CD38: variants seen among roughly 807,000 people sequenced by gnomAD.
CD38 encodes the protein CD38 molecule.
Under a neutral mutation model 36.3 loss-of-function variants are expected in CD38, and 31 were observed. The observed-to-expected ratio is 0.85, with a 90% CI of 0.64 to 1.15. The LOEUF is 1.15. Among genes scored for constraint, CD38 ranks in the 50% most tolerant of loss-of-function variants. The pLI is 0.00. For synonymous variants in CD38, 131 were observed against 135.2 expected (o/e 0.97, Z 0.22); for missense variants, 380 against 371.9 (o/e 1.02, Z -0.18).
chr4:15,834,175 T>A (rs761848021), intron 3 of CD38, 42 bp from the exon 4 acceptor site: 2 of 1,282,760 alleles, frequency 1.6e-6, no homozygotes, highest in Non-Finnish European at 1.1e-6. Flanking sequence ...TTATTTATAC[T>A]CTCTGTTTTC....
At chr4:15,822,221 C>T (rs1375888292) in intron 2 of CD38, among the ~76,000 whole-genome samples, 1 of 152,088 alleles carries the variant, frequency 6.6e-6, no homozygotes, top group Non-Finnish European at 1.5e-5. Context: ...TTATGACAAA[C>T]CCACAAGCAA....
chr4:15,804,395 C>T (rs1418044048), intron 1 of CD38, among the ~76,000 whole-genome samples: 1 of 152,086 alleles, frequency 6.6e-6, no homozygotes, highest in Non-Finnish European at 1.5e-5. Flanking sequence ...AATAGAACTA[C>T]CATATGATCC....
intron 1 of CD38, among the ~76,000 whole-genome samples, chr4:15,807,659 C>T (rs552250226): frequency 6.6e-6 from 1 of 152,304 alleles, no homozygotes; most frequent in East Asian, 1.9e-4. Context: ...GATCACTTTA[C>T]TCAATTTGAG....
chr4:15,837,846 C>T (rs75610790), intron 4 of CD38, among the ~76,000 whole-genome samples: 1,974 of 152,310 alleles, frequency 0.013, 41 homozygotes, highest in African/African-American at 0.045. Context: ...GAACCACCAG[C>T]TCTATGAACT....
At chr4:15,799,000 G>C (rs550464323) in intron 1 of CD38, among the ~76,000 whole-genome samples, 1 of 151,958 alleles carries the variant, frequency 6.6e-6, no homozygotes, top group African/African-American at 2.4e-5. Flanking sequence ...TATTTATCAC[G>C]TCCCTTATTT....
chr4:15,779,480 G>A (rs1392692023), intron 1 of CD38, among the ~76,000 whole-genome samples: 1 of 152,168 alleles, frequency 6.6e-6, no homozygotes, highest in African/African-American at 2.4e-5. Context: ...ATCGTTGCTT[G>A]TAAAACAGAA....
At chr4:15,819,627 C>T (rs1264788553) in intron 2 of CD38, among the ~76,000 whole-genome samples, 2 of 151,898 alleles carry the variant, frequency 1.3e-5, no homozygotes, top group Non-Finnish European at 2.9e-5. Flanking sequence ...ACCAAATAGA[C>T]CAAACAGAAG....
intron 1 of CD38, among the ~76,000 whole-genome samples, chr4:15,799,148 C>A (rs939361786): frequency 6.6e-6 from 1 of 152,182 alleles, no homozygotes; most frequent in African/African-American, 2.4e-5. Context: ...TTTTGCTTTT[C>A]ATAGTTAGAT....
intron 1 of CD38, among the ~76,000 whole-genome samples, chr4:15,814,149 C>T (rs185203437): frequency 2.6e-5 from 4 of 152,288 alleles, no homozygotes; most frequent in African/African-American, 7.2e-5. Context: ...TTCTAACTGG[C>T]GTGAGATGGT....
chr4:15,840,194 A>G, intron 6 of CD38, 76 bp downstream of exon 6: 2 of 1,034,218 alleles, frequency 1.9e-6, no homozygotes, highest in Non-Finnish European at 3.1e-6. Context: ...ACAAGCACGC[A>G]CTGGGAACAA....
At chr4:15,819,642 G>A (rs796905526) in intron 2 of CD38, among the ~76,000 whole-genome samples, 8 of 152,158 alleles carry the variant, frequency 5.3e-5, no homozygotes, top group African/African-American at 1.4e-4. Context: ...CAGAAGAAAG[G>A]ATATCAGAGC....
intron 1 of CD38, among the ~76,000 whole-genome samples, chr4:15,789,524 A>G (rs1471236057): frequency 6.6e-6 from 1 of 152,198 alleles, no homozygotes; most frequent in Non-Finnish European, 1.5e-5. Context: ...AACCTAAAGT[A>G]AAGAAGATGC....
At chr4:15,780,247 T>A (rs1722661507) in intron 1 of CD38, among the ~76,000 whole-genome samples, 1 of 152,188 alleles carries the variant, frequency 6.6e-6, no homozygotes, top group African/African-American at 2.4e-5. Context: ...AAAATAGTTG[T>A]GCCATTTTAC....
chr4:15,828,323 C>T (rs1723891965), intron 3 of CD38, among the ~76,000 whole-genome samples: 1 of 152,116 alleles, frequency 6.6e-6, no homozygotes, highest in Non-Finnish European at 1.5e-5. Flanking sequence ...ACCTCAAATA[C>T]TTATTTTTTG....
At chr4:15,801,056 C>T (rs1723212804) in intron 1 of CD38, among the ~76,000 whole-genome samples, 2 of 151,498 alleles carry the variant, frequency 1.3e-5, no homozygotes, top group Non-Finnish European at 2.9e-5. Context: ...CCTAGACTAA[C>T]TAAGAAAAAA....
chr4:15,806,443 G>A (rs544993031), intron 1 of CD38, among the ~76,000 whole-genome samples: 4 of 152,300 alleles, frequency 2.6e-5, no homozygotes, highest in East Asian at 3.9e-4. Context: ...AGGTGATAAC[G>A]CTTTAGTCTC....
intron 2 of CD38, among the ~76,000 whole-genome samples, chr4:15,824,058 A>AATGCTGC (rs1182559954): frequency 6.6e-6 from 1 of 152,124 alleles, no homozygotes; most frequent in African/African-American, 2.4e-5. Context: ...GGAACATGCA[A>AATGCTGC]ATGCTGCATG....
At chr4:15,824,766 A>G (rs1430827379) in intron 2 of CD38, 115 bp from the exon 3 acceptor site, 1 of 783,532 alleles carries the variant, frequency 1.3e-6, no homozygotes. Context: ...TACTCTTACT[A>G]TGGGTGATTT....
chr4:15,817,254 G>A (rs1723621949), intron 2 of CD38, among the ~76,000 whole-genome samples: 1 of 152,198 alleles, frequency 6.6e-6, no homozygotes, highest in Admixed American at 6.5e-5. Context: ...AGCCACAGAG[G>A]CCTGGATTCT....
Sources: gnomAD v4.1 joint callset for allele counts (sites outside exome capture counted in the v4.1 genomes callset) on GRCh38, gnomAD v4.1.1 for gene constraint, MANE v1.5 for transcripts, NCBI Gene and HGNC (gene_info 2026-07-23, HGNC 2026-07-21) for gene names.